PHLPP1: variants seen among roughly 807,000 people sequenced by gnomAD.
The protein encoded by PHLPP1 is PH domain leucine-rich repeat-containing protein phosphatase 1.
Under a neutral mutation model 117.2 loss-of-function variants are expected in PHLPP1, and 42 were observed. That is an observed-to-expected ratio of 0.36 (90% CI 0.28 to 0.46). PHLPP1 has a LOEUF of 0.46. Among genes scored for constraint, PHLPP1 ranks in the 20% least tolerant of loss-of-function variants. The pLI is 1.00. For synonymous variants in PHLPP1, 1,042 were observed against 970.7 expected (o/e 1.07, Z -1.37); for missense variants, 2,084 against 2,241.9 (o/e 0.93, Z 1.42).
intron 9 of PHLPP1, among the ~76,000 whole-genome samples, chr18:62,915,314 G>C (rs1568160172): frequency 6.6e-6 from 1 of 152,094 alleles, no homozygotes; most frequent in Non-Finnish European, 1.5e-5. Context: ...CCCACTTCTG[G>C]AATCTTAAGT....
intron 1 of PHLPP1, among the ~76,000 whole-genome samples, chr18:62,785,980 C>A (rs942900826): frequency 6.6e-6 from 1 of 152,160 alleles, no homozygotes; most frequent in Non-Finnish European, 1.5e-5. Context: ...TATCTCTTAT[C>A]ACCCTCTTTG....
chr18:62,949,612 C>T (rs1038419932), intron 12 of PHLPP1, among the ~76,000 whole-genome samples: 9 of 152,214 alleles, frequency 5.9e-5, no homozygotes, highest in African/African-American at 2.2e-4. Context: ...TTATTATCCT[C>T]ACCTTTGTTT....
Position 62,717,024 on chromosome 18 carries a change from C to A in PHLPP1, c.1341C>A (p.Gly447=). 1 of 1,545,374 alleles carries A rather than the reference C, an allele frequency of 6.5e-7. No homozygotes were observed. The highest frequency in any genetic ancestry group is 8.7e-7 in the Non-Finnish European group (1 of 1,146,028). Residue 447 remains glycine (G), a synonymous_variant, in exon 1 of 17, where the codon GGC becomes GGA. Coordinates refer to ENST00000262719, the MANE Select transcript of PHLPP1 (RefSeq NM_194449.4). ...EKAAAAVAPG[G]LQSTPGRSGV... ...CAGCGGCAGCCGTGGCCCCGGGAGGCCTCCAGTCTACCCCCGGGAGGAGCG... is the reference window on the plus strand; with the variant it reads ...CAGCGGCAGCCGTGGCCCCGGGAGGACTCCAGTCTACCCCCGGGAGGAGCG...
chr18:62,775,190 C>T (rs574692630), intron 1 of PHLPP1, among the ~76,000 whole-genome samples: 20 of 152,220 alleles, frequency 1.3e-4, no homozygotes, highest in Admixed American at 4.6e-4. Flanking sequence ...CTCTGCCTCC[C>T]GGGTTCAAGC....
At chr18:62,791,731 G>A (rs945753029) in intron 1 of PHLPP1, among the ~76,000 whole-genome samples, 1 of 152,088 alleles carries the variant, frequency 6.6e-6, no homozygotes, top group Non-Finnish European at 1.5e-5. Context: ...ACAACAGTAG[G>A]GAACTTATGA....
chr18:62,874,089 CAGG>C, intron 4 of PHLPP1, among the ~76,000 whole-genome samples: 1 of 150,382 alleles, frequency 6.6e-6, no homozygotes, highest in South Asian at 2.1e-4. Context: ...GAGGCTGAGA[CAGG>C]AGAATCGCTT....
intron 10 of PHLPP1, among the ~76,000 whole-genome samples, chr18:62,935,067 G>A (rs1909931948): frequency 6.6e-6 from 1 of 152,166 alleles, no homozygotes; most frequent in Non-Finnish European, 1.5e-5. Flanking sequence ...AGAGGCATGA[G>A]CGTTGGGTAA....
Position 62,894,940 on chromosome 18 carries a change from G to A in PHLPP1, c.2067-71G>A. On this transcript the variant is annotated intron_variant, in intron 4 of 16. Coordinates refer to ENST00000262719, the MANE Select transcript of PHLPP1 (RefSeq NM_194449.4). ...GGGAGTTGGGCTAGATTATCTCTTA[G>A]GCTATGCTAAAATTATGATGTTAAT... is the stretch of plus-strand genomic sequence containing the variant. 3 of 1,315,854 alleles carry A rather than the reference G, an allele frequency of 2.3e-6. No individual in the cohort carries two copies. The South Asian group carries it at 4.1e-5, about 18-fold the overall frequency. The allele number at this position is 1,315,854 out of a possible 1,614,324, so 81.5% of individuals were successfully genotyped here. A position where few individuals can be genotyped will look rare whatever the true frequency, so the allele number is the denominator to read the frequency against.
At chr18:62,772,428 A>G (rs1001673786) in intron 1 of PHLPP1, among the ~76,000 whole-genome samples, 4 of 152,218 alleles carry the variant, frequency 2.6e-5, no homozygotes, top group African/African-American at 9.6e-5. Flanking sequence ...GTTTTAAGAT[A>G]CAGGAAAAGC....
chr18:62,777,537 A>G (rs1912997437), intron 1 of PHLPP1, among the ~76,000 whole-genome samples: 1 of 150,890 alleles, frequency 6.6e-6, no homozygotes, highest in Admixed American at 6.6e-5. Flanking sequence ...CATATTATCT[A>G]AAGGGTGTTG....
chr18:62,860,097 C>G (rs370692896), intron 3 of PHLPP1, among the ~76,000 whole-genome samples: 3 of 152,104 alleles, frequency 2.0e-5, no homozygotes, highest in African/African-American at 7.2e-5. Flanking sequence ...GTTACTGTAC[C>G]GAATACTGTG....
At chr18:62,721,502 CTG>C (rs1463502840) in intron 1 of PHLPP1, among the ~76,000 whole-genome samples, 2 of 151,638 alleles carry the variant, frequency 1.3e-5, no homozygotes, top group Non-Finnish European at 1.5e-5. Flanking sequence ...TTTAAAGTAA[CTG>C]AAAATATTTC....
In PHLPP1 at chr18:62,973,837, G is replaced by A. The variant is rs1007276652; in HGVS notation, c.3755+1129G>A. Among the ~76,000 whole-genome samples the A allele has an allele frequency of 2.0e-5, 3 of 152,294 alleles. No individual in the cohort carries two copies. In the East Asian group the frequency reaches 5.8e-4, roughly 29 times the overall value. Reference sequence around the variant, plus strand: ...AATTGTTACCAGTTAGCTGGGTAATGTTACTGAAAGTGATGTACAGTGAGG... The same window carrying A: ...AATTGTTACCAGTTAGCTGGGTAATATTACTGAAAGTGATGTACAGTGAGG... On this transcript the variant is annotated intron_variant, in intron 15 of 16. Transcript: ENST00000262719.
At position 62,838,791 on chromosome 18, in the gene PHLPP1, A is replaced by T. The variant is rs771589549; in HGVS notation, c.1781A>T (p.Glu594Val). 2 of 1,613,824 alleles carry T rather than the reference A, an allele frequency of 1.2e-6. No homozygotes were observed. Among genetic ancestry groups the T allele is most frequent in the Non-Finnish European group, 1.7e-6 (2 of 1,179,770 alleles). The change falls in exon 3 of 17, where the codon GAA becomes GTA. Residue 594 changes from glutamate (E) to valine (V), a missense_variant. By Grantham distance (121) the Glu-to-Val change is moderately radical. Transcript: ENST00000262719. ...VLPLIGGKVE[E>V]VKKHQHCLAF... ...CTCTGTTTGCTTTTATAGGTAGAAG[A>T]AGTGAAAAAGCACCAACACTGTTTA...
intron 2 of PHLPP1, among the ~76,000 whole-genome samples, chr18:62,834,367 T>C (rs1914834147): frequency 6.6e-6 from 1 of 152,160 alleles, no homozygotes; most frequent in Admixed American, 6.5e-5. Flanking sequence ...AATAACATTA[T>C]CTTTGCTGCA....
At chr18:62,741,503 G>A (rs369064163) in intron 1 of PHLPP1, among the ~76,000 whole-genome samples, 3 of 152,014 alleles carry the variant, frequency 2.0e-5, no homozygotes, top group African/African-American at 4.8e-5. Flanking sequence ...GCACAAGGAC[G>A]CAGATTATCA....
intron 1 of PHLPP1, among the ~76,000 whole-genome samples, chr18:62,811,500 C>G (rs1396898974): frequency 1.3e-5 from 2 of 150,270 alleles, no homozygotes; most frequent in Non-Finnish European, 3.0e-5. Flanking sequence ...ATTCACCAAT[C>G]CGTTTACTAT....
At chr18:62,775,087 A>T (rs974863450) in intron 1 of PHLPP1, among the ~76,000 whole-genome samples, 2 of 152,064 alleles carry the variant, frequency 1.3e-5, no homozygotes, top group Admixed American at 6.5e-5. Context: ...AATCTGTGGG[A>T]CACTAATAAA....
At position 62,771,981 on chromosome 18, in the gene PHLPP1, G is replaced by T. The variant is rs182738888; in HGVS notation, c.1576+54722G>T. On this transcript the variant is annotated intron_variant, in intron 1 of 16. Coordinates refer to ENST00000262719, the MANE Select transcript of PHLPP1 (RefSeq NM_194449.4). Reference sequence around the variant, plus strand: ...TGTATTAGGGACATTCAGCCTGTATGATCAGTTTCTTCTTCTTCTTTCTTC... The same window carrying T: ...TGTATTAGGGACATTCAGCCTGTATTATCAGTTTCTTCTTCTTCTTTCTTC... Among the ~76,000 whole-genome samples the T allele has an allele frequency of 1.9e-3, 297 of 152,318 alleles. 2 individuals are homozygous for T. Among genetic ancestry groups the T allele is most frequent in the Admixed American group, 2.5e-3 (39 of 15,306 alleles).
Sources: allele counts gnomAD v4.1 joint callset (sites outside exome capture counted in the v4.1 genomes callset), GRCh38; gene constraint gnomAD v4.1.1; transcripts MANE v1.5; gene names NCBI Gene and HGNC (gene_info 2026-07-23, HGNC 2026-07-21).